The following LRBA variants were observed in gnomAD, a reference collection of about 807,000 sequenced individuals.
LRBA encodes the protein LPS responsive beige-like anchor protein, also known as lipopolysaccharide-responsive and beige-like anchor protein.
Under a neutral mutation model 330.0 loss-of-function variants are expected in LRBA, and 176 were observed. The observed-to-expected ratio is 0.53, with a 90% CI of 0.47 to 0.60. The LOEUF is 0.60. Among genes scored for constraint, LRBA ranks in the 20% least tolerant of loss-of-function variants. The pLI is 0.00. For missense variants in LRBA, 3,259 were observed against 3,444.8 expected, an observed-to-expected ratio of 0.95 and a Z score of 1.35; for synonymous variants, 1,230 against 1,193.0, an observed-to-expected ratio of 1.03 and a Z score of -0.64.
chr4:150,918,891 AC>A (rs1361726606), intron 5 of LRBA, among the ~76,000 whole-genome samples: 1 of 152,254 alleles, frequency 6.6e-6, no homozygotes, highest in Non-Finnish European at 1.5e-5. Context: ...TTAAACAAAG[AC>A]CATATGACCT....
At chr4:150,707,722 T>C (rs2127021793) in intron 36 of LRBA, among the ~76,000 whole-genome samples, 1 of 151,646 alleles carries the variant, frequency 6.6e-6, no homozygotes, top group East Asian at 1.9e-4. Flanking sequence ...AAAAGTCTGG[T>C]AGAATCAAAA....
intron 26 of LRBA, among the ~76,000 whole-genome samples, chr4:150,846,975 C>G (rs1749939075): frequency 1.3e-5 from 2 of 152,126 alleles, no homozygotes; most frequent in African/African-American, 4.8e-5. Flanking sequence ...TGCACTTTTA[C>G]TTCTAGAAAT....
intron 2 of LRBA, among the ~76,000 whole-genome samples, chr4:151,002,790 T>A (rs1240833629): frequency 6.6e-6 from 1 of 151,110 alleles, no homozygotes; most frequent in Non-Finnish European, 1.5e-5. Flanking sequence ...GGTGGGAGGA[T>A]TACTTGAGTC....
At chr4:150,679,148 T>C (rs1782832352) in intron 37 of LRBA, among the ~76,000 whole-genome samples, 1 of 152,174 alleles carries the variant, frequency 6.6e-6, no homozygotes, top group South Asian at 2.1e-4. Flanking sequence ...CAATCTTTCC[T>C]TAGGCTTAAA....
At chr4:150,859,042 G>A (rs555113961) in intron 22 of LRBA, among the ~76,000 whole-genome samples, 1 of 152,102 alleles carries the variant, frequency 6.6e-6, no homozygotes, top group Non-Finnish European at 1.5e-5. Flanking sequence ...TGACTGAAAT[G>A]TATACTTCAG....
chr4:150,620,709 A>C (rs182200534), intron 37 of LRBA, among the ~76,000 whole-genome samples: 18 of 152,350 alleles, frequency 1.2e-4, no homozygotes, highest in Admixed American at 3.9e-4. Context: ...TGAGGAATGG[A>C]AAACCAAATA....
intron 47 of LRBA, among the ~76,000 whole-genome samples, chr4:150,353,370 T>C (rs1004897724): frequency 6.6e-6 from 1 of 152,124 alleles, no homozygotes; most frequent in Non-Finnish European, 1.5e-5. Context: ...TTTAATAAGA[T>C]AAAACAGTCA....
chr4:150,526,442 AAC>A (rs1258311792), intron 40 of LRBA, among the ~76,000 whole-genome samples: 22 of 152,184 alleles, frequency 1.4e-4, no homozygotes, highest in Non-Finnish European at 1.0e-4. Context: ...AGATTGTAAA[AAC>A]AGTCTTACTT....
rs143471922 is a variant in LRBA at position 150,860,464 on chromosome 4, C to A, written c.2766+7207G>T. Among the ~76,000 whole-genome samples, 337 of 152,136 alleles carry A rather than the reference C, an allele frequency of 2.2e-3. 6 individuals are homozygous for A. Among genetic ancestry groups the A allele is most frequent in the Non-Finnish European group, 6.5e-4 (44 of 68,000 alleles). On this transcript the variant is annotated intron_variant, in intron 22 of 56. Transcript: ENST00000651943. ...TTGGTCAAAAGTAGGCACTAGAGAC[C>A]TCTCCTTAAAGCAACTATTTTCTTC...
chr4:150,602,996 A>G (rs959809023), intron 37 of LRBA, among the ~76,000 whole-genome samples: 2 of 152,260 alleles, frequency 1.3e-5, no homozygotes, highest in African/African-American at 2.4e-5. Context: ...TCTATCCCCA[A>G]AAGTTATATT....
intron 40 of LRBA, chr4:150,581,140 TTAGA>T (rs1343675672): frequency 3.8e-5 from 7 of 186,418 alleles, no homozygotes; most frequent in Non-Finnish European, 6.8e-5. Flanking sequence ...TTCTCACAAC[TTAGA>T]TATTTTCTCT....
At chr4:150,551,281 T>C (rs1306038152) in intron 40 of LRBA, among the ~76,000 whole-genome samples, 4 of 152,192 alleles carry the variant, frequency 2.6e-5, no homozygotes, top group African/African-American at 9.7e-5. Flanking sequence ...TATTCTGTAA[T>C]AGCAGCAGAG....
intron 26 of LRBA, among the ~76,000 whole-genome samples, chr4:150,846,070 C>T (rs116259263): frequency 6.3e-4 from 96 of 151,948 alleles, no homozygotes; most frequent in East Asian, 5.2e-3. Flanking sequence ...AATATTCAGC[C>T]GTAAAAAAGA....
At chr4:150,647,355 T>TTTC (rs1779251189) in intron 37 of LRBA, among the ~76,000 whole-genome samples, 1 of 125,720 alleles carries the variant, frequency 8.0e-6, no homozygotes, top group Non-Finnish European at 1.6e-5. Context: ...ACTTTTTCTT[T>TTTC]TTTTTTTTTT....
At chr4:150,454,528 C>G (rs1372589708) in intron 44 of LRBA, among the ~76,000 whole-genome samples, 2 of 151,996 alleles carry the variant, frequency 1.3e-5, no homozygotes, top group Admixed American at 6.6e-5. Flanking sequence ...ATAGGTCACA[C>G]TAGATCTATA....
chr4:150,526,263 G>A (rs1763463402), intron 40 of LRBA, among the ~76,000 whole-genome samples: 1 of 152,168 alleles, frequency 6.6e-6, no homozygotes, highest in African/African-American at 2.4e-5. Context: ...TATAATGGCT[G>A]TTTTCTGGTT....
chr4:150,607,270 C>T (rs777757832), intron 37 of LRBA, among the ~76,000 whole-genome samples: 18 of 152,126 alleles, frequency 1.2e-4, no homozygotes, highest in South Asian at 1.0e-3. Flanking sequence ...GTATGCTACA[C>T]GGCAGCAACA....
intron 34 of LRBA, among the ~76,000 whole-genome samples, chr4:150,786,797 A>T (rs959548915): frequency 6.6e-6 from 1 of 152,220 alleles, no homozygotes; most frequent in African/African-American, 2.4e-5. Flanking sequence ...AGCCAGCTGT[A>T]TGTGTATTAA....
intron 29 of LRBA, among the ~76,000 whole-genome samples, chr4:150,828,871 C>T (rs191507447): frequency 6.6e-6 from 1 of 151,676 alleles, no homozygotes; most frequent in East Asian, 1.9e-4. Flanking sequence ...GGTAGCAACA[C>T]AAGGTTGAAA....
Sources: gnomAD v4.1 joint callset for allele counts (sites outside exome capture counted in the v4.1 genomes callset) on GRCh38, gnomAD v4.1.1 for gene constraint, MANE v1.5 for transcripts, NCBI Gene and HGNC (gene_info 2026-07-23, HGNC 2026-07-21) for gene names.